The following CALCRL variants were observed in gnomAD, a reference collection of about 807,000 sequenced individuals.
CALCRL encodes the protein calcitonin receptor like receptor, also known as calcitonin gene-related peptide type 1 receptor.
In CALCRL, 27 loss-of-function variants were observed where a neutral mutation model predicts 60.4. That is an observed-to-expected ratio of 0.45 (90% confidence interval 0.33 to 0.62). The LOEUF (loss-of-function observed/expected upper bound fraction) is 0.62. CALCRL is among the 20% of genes least tolerant of loss of function. CALCRL has a pLI of 0.03. For missense variants in CALCRL, 424 were observed against 540.7 expected (o/e 0.78, Z 2.14); for synonymous variants, 190 against 182.6 (o/e 1.04, Z -0.33).
intron 8 of CALCRL, among the ~76,000 whole-genome samples, chr2:187,372,165 T>C (rs1456307777): frequency 6.7e-6 from 1 of 149,108 alleles, no homozygotes; most frequent in Non-Finnish European, 1.5e-5. Context: ...AACATTTTCT[T>C]TTTTTTTTTC....
intron 5 of CALCRL, 81 bp downstream of exon 5, chr2:187,383,092 A>T: frequency 1.5e-6 from 2 of 1,367,522 alleles, no homozygotes; most frequent in Non-Finnish European, 2.0e-6. Flanking sequence ...AATGGACCTA[A>T]AGCACTTATA....
intron 7 of CALCRL, among the ~76,000 whole-genome samples, chr2:187,379,793 A>G (rs1687913080): frequency 6.6e-6 from 1 of 152,192 alleles, no homozygotes; most frequent in African/African-American, 2.4e-5. Flanking sequence ...CATTTCATAT[A>G]TGAGGGGACT....
In CALCRL at chr2:187,444,850, C is replaced by T. The variant is rs1691097556; in HGVS notation, c.-293+3189G>A. On this transcript the variant is annotated intron_variant, in intron 1 of 14. Transcript: ENST00000392370. ...AGGAAAAATGCAGAGATTAATTGAC[C>T]TAATCTAATTTACATGGTCCATGTG... is the stretch of plus-strand genomic sequence containing the variant. 6.6e-5 allele frequency among the ~76,000 whole-genome samples: 10 copies of T among 151,300 alleles called. No homozygotes were observed. In the South Asian group the frequency reaches 2.1e-3, roughly 31 times the overall value.
In CALCRL at chr2:187,363,258, G is replaced by A. The variant is rs532525832; in HGVS notation, c.627+118C>T. On this transcript the variant is annotated intron_variant, in intron 9 of 14. Coordinates refer to ENST00000392370, the MANE Select transcript of CALCRL (RefSeq NM_005795.6). ...TAAAGACTTGAAAATATATATATAT[G>A]TCAGACTTGAAAATATACATATATG... 5.1e-5 allele frequency: 49 copies of A among 952,246 alleles called. 1 individual carries two copies. The South Asian group carries it at 1.1e-3, about 22-fold the overall frequency. The allele number at this position is 952,246 out of a possible 1,614,324, so 59.0% of individuals were successfully genotyped here. A position where few individuals can be genotyped will look rare whatever the true frequency, so the allele number is the denominator to read the frequency against.
intron 1 of CALCRL, among the ~76,000 whole-genome samples, chr2:187,441,010 C>T (rs546610438): frequency 4.0e-5 from 6 of 151,896 alleles, no homozygotes; most frequent in Non-Finnish European, 8.8e-5. Flanking sequence ...TTAATGAAGA[C>T]AAATATTCAT....
At position 187,352,147 on chromosome 2, in the gene CALCRL, A is replaced by G. The variant is rs1686562739; in HGVS notation, c.1095T>C (p.Tyr365=). The G allele has an allele frequency of 1.2e-6, 2 of 1,612,416 alleles. No homozygotes were observed. The highest frequency in any genetic ancestry group is 1.1e-5 in the South Asian group (1 of 91,056). The stretch of plus-strand genomic sequence containing the variant: ...GCATAAGGATGTGCATGATGTAGTC[A>G]TATACCTCCTCTGCAATCTTTCCTT... The part of the protein sequence containing the change: ...RPEGKIAEEV[Y]DYIMHILMHF... The change falls in exon 13 of 15, where the codon TAT becomes TAC. Residue 365 remains tyrosine (Y), a synonymous_variant. Coordinates refer to ENST00000392370, the MANE Select transcript of CALCRL (RefSeq NM_005795.6).
Position 187,393,728 on chromosome 2 carries a change from C to T in CALCRL, c.-292-5972G>A, listed in dbSNP as rs951299619. On this transcript the variant is annotated intron_variant, in intron 1 of 14. Coordinates refer to ENST00000392370, the MANE Select transcript of CALCRL (RefSeq NM_005795.6). ...CTGATGTTTTTAGTTATTCCTAACC[C>T]TTTCAAGCCTATTATAATTTTCTGA... is the stretch of plus-strand genomic sequence containing the variant. Among the ~76,000 whole-genome samples, 9 of 151,946 alleles carry T rather than the reference C, an allele frequency of 5.9e-5. 1 individual carries two copies. The highest frequency in any genetic ancestry group is 2.0e-4 in the Admixed American group (3 of 15,222).
intron 1 of CALCRL, among the ~76,000 whole-genome samples, chr2:187,391,100 A>G (rs996036902): frequency 3.3e-5 from 5 of 152,176 alleles, no homozygotes; most frequent in Non-Finnish European, 7.4e-5. Context: ...GTCAACTTAG[A>G]TAGACTCTCA....
chr2:187,383,051 A>G, intron 5 of CALCRL, 122 bp downstream of exon 5: 1 of 920,250 alleles, frequency 1.1e-6, no homozygotes, highest in Non-Finnish European at 1.6e-6. Flanking sequence ...AAAACTGCAC[A>G]TATACAAAAA....
rs1254290668 is a variant in CALCRL, at chr2:187,383,176, C to G, written c.181G>C (p.Glu61Gln). The G allele has an allele frequency of 1.2e-6, 2 of 1,607,908 alleles. No individual in the cohort carries two copies. Among genetic ancestry groups the G allele is most frequent in the African/African-American group, 2.7e-5 (2 of 74,630 alleles). Residue 61 changes from glutamate to glutamine, a missense_variant, in exon 5 of 15, where the codon GAA becomes CAA. By Grantham distance (29) the Glu-to-Gln change is conservative. Coordinates refer to ENST00000392370, the MANE Select transcript of CALCRL (RefSeq NM_005795.6). ...KIMQDPIQQAEGVYCNRTWDG... is the reference protein window; with the variant it reads ...KIMQDPIQQAQGVYCNRTWDG... ...ACAACTAAGTAGCCATGCTTACCTT[C>G]TGCTTGTTGAATGGGGTCTTGCATA...
intron 12 of CALCRL, among the ~76,000 whole-genome samples, chr2:187,353,857 A>G (rs993471013): frequency 6.6e-6 from 1 of 152,010 alleles, no homozygotes; most frequent in African/African-American, 2.4e-5. Flanking sequence ...TGCAATTTAG[A>G]TGATCCCAAT....
chr2:187,389,730 G>A (rs1374888523), intron 1 of CALCRL, among the ~76,000 whole-genome samples: 1 of 151,890 alleles, frequency 6.6e-6, no homozygotes, highest in African/African-American at 2.4e-5. Flanking sequence ...TAATCTAACT[G>A]AATATTTTAT....
intron 1 of CALCRL, among the ~76,000 whole-genome samples, chr2:187,427,697 G>C (rs1484394290): frequency 6.6e-6 from 1 of 152,032 alleles, no homozygotes; most frequent in Non-Finnish European, 1.5e-5. Context: ...AATGTTATCA[G>C]GTGCTCAAAT....
At chr2:187,446,089 A>G (rs903618517) in intron 1 of CALCRL, among the ~76,000 whole-genome samples, 1 of 151,684 alleles carries the variant, frequency 6.6e-6, no homozygotes, top group African/African-American at 2.4e-5. Flanking sequence ...CAGGTAAAAC[A>G]TATTTCAGCT....
At chr2:187,366,392 A>C (rs1030459044) in intron 8 of CALCRL, among the ~76,000 whole-genome samples, 17 of 152,192 alleles carry the variant, frequency 1.1e-4, no homozygotes, top group African/African-American at 4.1e-4. Flanking sequence ...AAAAAAATTA[A>C]AGATAGCTAG....
intron 8 of CALCRL, among the ~76,000 whole-genome samples, chr2:187,376,811 T>G (rs1687775718): frequency 6.6e-6 from 1 of 152,112 alleles, no homozygotes; most frequent in African/African-American, 2.4e-5. Context: ...TGCAACTTTA[T>G]CTTCTTCAAA....
chr2:187,389,580 A>G (rs1688348198), intron 1 of CALCRL, among the ~76,000 whole-genome samples: 1 of 152,180 alleles, frequency 6.6e-6, no homozygotes, highest in Non-Finnish European at 1.5e-5. Context: ...ATCCCAAACC[A>G]GCTAAGCATA....
At chr2:187,391,850 C>T (rs537399657) in intron 1 of CALCRL, among the ~76,000 whole-genome samples, 20 of 152,142 alleles carry the variant, frequency 1.3e-4, no homozygotes, top group African/African-American at 4.8e-4. Context: ...TGAAATATTA[C>T]TGCCTAGTCA....
At chr2:187,442,972 GAGGA>G (rs1010533008) in intron 1 of CALCRL, among the ~76,000 whole-genome samples, 7 of 151,944 alleles carry the variant, frequency 4.6e-5, no homozygotes, top group Non-Finnish European at 8.9e-5. Flanking sequence ...TTTTGTCAAC[GAGGA>G]TTGTGCAACT....
Sources: allele counts gnomAD v4.1 joint callset (sites outside exome capture counted in the v4.1 genomes callset), GRCh38; gene constraint gnomAD v4.1.1; transcripts MANE v1.5; gene names NCBI Gene and HGNC (gene_info 2026-07-23, HGNC 2026-07-21).